MACROD2: variants seen among roughly 807,000 people sequenced by gnomAD.
The protein encoded by MACROD2 is ADP-ribose glycohydrolase MACROD2.
In MACROD2, 36 loss-of-function variants were observed where a neutral mutation model predicts 70.4. The observed-to-expected ratio is 0.51, with a 90% CI of 0.39 to 0.68. The LOEUF (loss-of-function observed/expected upper bound fraction) is 0.68, where lower values mean the gene tolerates loss of function less well. Among genes scored for constraint, MACROD2 ranks in the 30% least tolerant of loss-of-function variants. The pLI, the probability that MACROD2 is intolerant of heterozygous loss-of-function variation, is 0.00. For synonymous variants in MACROD2, 172 were observed against 178.8 expected (o/e 0.96, Z 0.30); for missense variants, 496 against 538.4 (o/e 0.92, Z 0.78).
intron 8 of MACROD2, among the ~76,000 whole-genome samples, chr20:15,601,280 C>T (rs563630827): frequency 6.6e-6 from 1 of 152,282 alleles, no homozygotes; most frequent in South Asian, 2.1e-4. Context: ...TCAGGAGCTC[C>T]TCTGTGGATG....
intron 6 of MACROD2, among the ~76,000 whole-genome samples, chr20:15,411,118 A>G (rs1014497387): frequency 4.7e-5 from 7 of 149,354 alleles, no homozygotes; most frequent in South Asian, 2.2e-4. Flanking sequence ...AGAATATTAC[A>G]TGTTAATTAA....
chr20:15,029,640 C>T (rs1417184320), intron 5 of MACROD2, among the ~76,000 whole-genome samples: 1 of 152,106 alleles, frequency 6.6e-6, no homozygotes, highest in African/African-American at 2.4e-5. Flanking sequence ...AAACCATCAC[C>T]CTCTACCAAT....
At chr20:15,245,606 A>C (rs1324164037) in intron 6 of MACROD2, among the ~76,000 whole-genome samples, 1 of 152,220 alleles carries the variant, frequency 6.6e-6, no homozygotes, top group Non-Finnish European at 1.5e-5. Flanking sequence ...CATTCAATGG[A>C]AACTGTACTT....
chr20:16,027,753 A>T (rs534436369), intron 15 of MACROD2, among the ~76,000 whole-genome samples: 13 of 152,310 alleles, frequency 8.5e-5, no homozygotes, highest in Non-Finnish European at 1.8e-4. Context: ...CTGTGTACAG[A>T]TTTAGCTGGT....
intron 5 of MACROD2, among the ~76,000 whole-genome samples, chr20:14,890,163 G>A (rs62202769): frequency 2.8e-4 from 42 of 152,064 alleles, no homozygotes; most frequent in Non-Finnish European, 5.7e-4. Flanking sequence ...AAGTTTGAAC[G>A]TGTCAAGTGG....
chr20:14,462,900 G>A (rs1351451493), intron 3 of MACROD2, among the ~76,000 whole-genome samples: 1 of 151,936 alleles, frequency 6.6e-6, no homozygotes, highest in African/African-American at 2.4e-5. Context: ...CTATATCTCT[G>A]TTTTGGTACC....
At position 15,050,533 on chromosome 20, in the gene MACROD2, C is replaced by CTTTTTTTTTTTTTTTTT. The variant is rs386393390; in HGVS notation, c.419-179397_419-179381dup. 1.9e-4 allele frequency among the ~76,000 whole-genome samples: 15 copies of CTTTTTTTTTTTTTTTTT among 77,898 alleles called. 3 individuals are homozygous for CTTTTTTTTTTTTTTTTT. Among genetic ancestry groups the CTTTTTTTTTTTTTTTTT allele is most frequent in the African/African-American group, 3.7e-4 (6 of 16,046 alleles). The allele number at this position is 77,898 out of a possible 152,430, so 51.1% of individuals were successfully genotyped here. On this transcript the variant is annotated intron_variant, in intron 5 of 17. Transcript: ENST00000684519. ...GTCTTTTTACACTTTCTATTTAGGT[C>CTTTTTTTTTTTTTTTTT]TTTTTTTTTTTTTTTTTTTTTTTTT...
At chr20:14,649,523 G>C (rs1201856274) in intron 4 of MACROD2, among the ~76,000 whole-genome samples, 2 of 152,108 alleles carry the variant, frequency 1.3e-5, no homozygotes. Flanking sequence ...GTTTGCATTG[G>C]CTGCAAAGGG....
At chr20:15,758,542 T>C (rs2051384421) in intron 8 of MACROD2, among the ~76,000 whole-genome samples, 1 of 142,482 alleles carries the variant, frequency 7.0e-6, no homozygotes, top group Non-Finnish European at 1.5e-5. Flanking sequence ...ACCCAGTCTT[T>C]TTTTTTTTTT....
chr20:15,476,025 A>G (rs2047017916), intron 7 of MACROD2, among the ~76,000 whole-genome samples: 1 of 152,212 alleles, frequency 6.6e-6, no homozygotes, highest in Non-Finnish European at 1.5e-5. Flanking sequence ...CTATTCTTCC[A>G]TTAAATTTAT....
chr20:14,808,219 G>A (rs2122163847), intron 5 of MACROD2, among the ~76,000 whole-genome samples: 2 of 152,280 alleles, frequency 1.3e-5, no homozygotes, highest in South Asian at 4.1e-4. Flanking sequence ...AAGCCCATCA[G>A]ACTAACAGTG....
At chr20:15,672,946 G>A (rs1237504099) in intron 8 of MACROD2, among the ~76,000 whole-genome samples, 1 of 152,118 alleles carries the variant, frequency 6.6e-6, no homozygotes, top group Non-Finnish European at 1.5e-5. Context: ...TTATAAAGGT[G>A]AGTTCCCTGC....
intron 8 of MACROD2, among the ~76,000 whole-genome samples, chr20:15,566,910 GC>G (rs2048317577): frequency 6.6e-6 from 1 of 152,032 alleles, no homozygotes; most frequent in African/African-American, 2.4e-5. Context: ...TACCTGATCA[GC>G]AAAACTAACT....
At chr20:14,732,013 A>G (rs1231970277) in intron 5 of MACROD2, among the ~76,000 whole-genome samples, 1 of 152,142 alleles carries the variant, frequency 6.6e-6, no homozygotes, top group Non-Finnish European at 1.5e-5. Context: ...TTAATTTCTA[A>G]TATGGTAAAT....
At chr20:14,713,781 G>A (rs949877) in intron 5 of MACROD2, among the ~76,000 whole-genome samples, 49,763 of 152,040 alleles carry the variant, frequency 0.33, 8,275 homozygotes, top group East Asian at 0.35. Context: ...ATTATCAATT[G>A]ACAATTTGGC....
At chr20:14,818,783 T>G (rs932194806) in intron 5 of MACROD2, among the ~76,000 whole-genome samples, 11 of 150,754 alleles carry the variant, frequency 7.3e-5, no homozygotes, top group African/African-American at 2.4e-4. Context: ...TTTTTCCAAA[T>G]AGTATTACTG....
chr20:14,460,784 G>T (rs1438326031), intron 3 of MACROD2, among the ~76,000 whole-genome samples: 1 of 152,040 alleles, frequency 6.6e-6, no homozygotes, highest in East Asian at 1.9e-4. Flanking sequence ...CTTGATCATG[G>T]TGGATAAGCT....
At chr20:14,534,788 T>A (rs962778554) in intron 4 of MACROD2, among the ~76,000 whole-genome samples, 3 of 150,650 alleles carry the variant, frequency 2.0e-5, no homozygotes, top group East Asian at 2.0e-4. Flanking sequence ...TATATTGTTG[T>A]CCTTGGAGAC....
At chr20:14,861,374 A>G (rs2073314728) in intron 5 of MACROD2, among the ~76,000 whole-genome samples, 1 of 152,086 alleles carries the variant, frequency 6.6e-6, no homozygotes, top group African/African-American at 2.4e-5. Context: ...TCCACGTCCT[A>G]GAGATTTTGA....
Sources: allele counts gnomAD v4.1 joint callset (sites outside exome capture counted in the v4.1 genomes callset), GRCh38; gene constraint gnomAD v4.1.1; transcripts MANE v1.5; gene names NCBI Gene and HGNC (gene_info 2026-07-23, HGNC 2026-07-21).